RUNX1: variants seen among roughly 807,000 people sequenced by gnomAD.
The protein encoded by RUNX1 is RUNX family transcription factor 1, also known as runt-related transcription factor 1.
In RUNX1, 19 loss-of-function variants were observed where a neutral mutation model predicts 42.8. The observed-to-expected ratio is 0.44, with a 90% CI of 0.31 to 0.65. The LOEUF is 0.65. RUNX1 is among the 30% of genes least tolerant of loss of function. RUNX1 has a pLI of 0.07. For missense variants in RUNX1, 528 were observed against 672.0 expected (o/e 0.79, Z 2.37); for synonymous variants, 271 against 289.4 (o/e 0.94, Z 0.64).
intron 5 of RUNX1, among the ~76,000 whole-genome samples, chr21:34,863,935 G>A (rs563530349): frequency 1.3e-5 from 2 of 152,188 alleles, no homozygotes; most frequent in East Asian, 1.9e-4. Flanking sequence ...TACAGCTTTG[G>A]GTACAAGGAC....
chr21:34,813,664 G>A (rs1009345394), intron 7 of RUNX1, among the ~76,000 whole-genome samples: 5 of 152,098 alleles, frequency 3.3e-5, no homozygotes, highest in African/African-American at 4.8e-5. Flanking sequence ...TGAGCTGACC[G>A]TCGGCTTTGC....
At chr21:34,975,304 C>T (rs1227349952) in intron 2 of RUNX1, among the ~76,000 whole-genome samples, 1 of 152,212 alleles carries the variant, frequency 6.6e-6, no homozygotes, top group African/African-American at 2.4e-5. Flanking sequence ...TGGATTTAAC[C>T]AACTGTGGAT....
chr21:34,951,938 T>C (rs2058611459), intron 2 of RUNX1, among the ~76,000 whole-genome samples: 1 of 152,162 alleles, frequency 6.6e-6, no homozygotes, highest in Admixed American at 6.5e-5. Context: ...GTATGTTTCT[T>C]GCGGCATTAT....
intron 7 of RUNX1, among the ~76,000 whole-genome samples, chr21:34,814,435 C>T (rs574006408): frequency 2.6e-5 from 4 of 152,278 alleles, no homozygotes; most frequent in African/African-American, 7.2e-5. Context: ...GCAACTGCAG[C>T]GTGCTGATTT....
chr21:34,976,292 C>A (rs1369006639), intron 2 of RUNX1, among the ~76,000 whole-genome samples: 1 of 152,084 alleles, frequency 6.6e-6, no homozygotes, highest in African/African-American at 2.4e-5. Context: ...ACTGCCTTTC[C>A]CAAATTGAAA....
intron 2 of RUNX1, among the ~76,000 whole-genome samples, chr21:34,961,677 G>A (rs780061066): frequency 1.4e-4 from 22 of 152,132 alleles, no homozygotes; most frequent in Non-Finnish European, 2.4e-4. Context: ...TAAGTCAGGC[G>A]GTTACAGTCC....
At chr21:35,047,569 T>A (rs901260536) in intron 2 of RUNX1, among the ~76,000 whole-genome samples, 39 of 140,108 alleles carry the variant, frequency 2.8e-4, no homozygotes, top group African/African-American at 8.5e-4. Flanking sequence ...ACACTCTCTC[T>A]CTCTCTCTCT....
chr21:34,835,279 T>G (rs916643342), intron 6 of RUNX1, among the ~76,000 whole-genome samples: 1 of 151,886 alleles, frequency 6.6e-6, no homozygotes, highest in Admixed American at 6.6e-5. Flanking sequence ...TAAGGAGGAG[T>G]TGACAGGAAG....
chr21:34,814,935 C>T (rs1427922258), intron 7 of RUNX1, among the ~76,000 whole-genome samples: 2 of 152,138 alleles, frequency 1.3e-5, no homozygotes, highest in East Asian at 3.8e-4. Context: ...CTCTCTCTCT[C>T]TCATTGACTT....
chr21:34,837,001 C>G (rs1165893985), intron 6 of RUNX1, among the ~76,000 whole-genome samples: 4 of 152,108 alleles, frequency 2.6e-5, no homozygotes, highest in Non-Finnish European at 4.4e-5. Context: ...TTGTTTGTTT[C>G]TTTGTTTTTT....
At chr21:34,956,464 G>A (rs1426069586) in intron 2 of RUNX1, among the ~76,000 whole-genome samples, 1 of 152,072 alleles carries the variant, frequency 6.6e-6, no homozygotes, top group Non-Finnish European at 1.5e-5. Flanking sequence ...AGCTCCTTGG[G>A]TCTTCGAAAG....
At position 35,020,638 on chromosome 21, in the gene RUNX1, C is replaced by T. The variant is rs533905567; in HGVS notation, c.58+28204G>A. ...AGGATGGGGAAGAGGAAGCTGCCAA[C>T]GTCACCTGGCTGCTGCATCGACTTC... On this transcript the variant is annotated intron_variant, in intron 2 of 8. Coordinates refer to ENST00000675419, the MANE Select transcript of RUNX1 (RefSeq NM_001754.5). 7.2e-5 allele frequency among the ~76,000 whole-genome samples: 11 copies of T among 152,216 alleles called. No homozygotes were observed. In the East Asian group the frequency reaches 1.2e-3, roughly 16 times the overall value.
intron 2 of RUNX1, among the ~76,000 whole-genome samples, chr21:34,914,067 AG>A (rs1236494656): frequency 6.6e-6 from 1 of 152,202 alleles, no homozygotes; most frequent in African/African-American, 2.4e-5. Flanking sequence ...GGCTATGCCG[AG>A]GGAATTCTCT....
At chr21:35,042,470 T>C (rs1284790772) in intron 2 of RUNX1, among the ~76,000 whole-genome samples, 1 of 152,214 alleles carries the variant, frequency 6.6e-6, no homozygotes, top group Non-Finnish European at 1.5e-5. Flanking sequence ...TCCTCTCTGC[T>C]TCCCTCCACT....
intron 8 of RUNX1, among the ~76,000 whole-genome samples, chr21:34,798,309 A>G (rs1433282077): frequency 6.6e-6 from 1 of 152,200 alleles, no homozygotes; most frequent in Non-Finnish European, 1.5e-5. Context: ...TCAAAGCCCC[A>G]AACACTAAGT....
chr21:34,888,802 G>C (rs962828303), intron 3 of RUNX1: 1 of 562,498 alleles, frequency 1.8e-6, no homozygotes, highest in Non-Finnish European at 2.3e-6. Context: ...AGGCCTTTCC[G>C]GTATCAGCCA....
chr21:34,861,913 G>C (rs1040219266), intron 5 of RUNX1, among the ~76,000 whole-genome samples: 2 of 152,078 alleles, frequency 1.3e-5, no homozygotes, highest in African/African-American at 4.8e-5. Flanking sequence ...CGGCTGTGTA[G>C]ACCTAGTCTC....
At chr21:35,025,425 T>C (rs2059228131) in intron 2 of RUNX1, among the ~76,000 whole-genome samples, 1 of 152,122 alleles carries the variant, frequency 6.6e-6, no homozygotes, top group Admixed American at 6.5e-5. Flanking sequence ...CCCCAGACGT[T>C]CCGATGCCCT....
At chr21:35,033,517 G>A (rs1292134378) in intron 2 of RUNX1, among the ~76,000 whole-genome samples, 1 of 152,156 alleles carries the variant, frequency 6.6e-6, no homozygotes, top group African/African-American at 2.4e-5. Context: ...AACACCTCAT[G>A]CAGACACATG....
Sources: gnomAD v4.1 joint callset for allele counts (sites outside exome capture counted in the v4.1 genomes callset) on GRCh38, gnomAD v4.1.1 for gene constraint, MANE v1.5 for transcripts, NCBI Gene and HGNC (gene_info 2026-07-23, HGNC 2026-07-21) for gene names.